The following ADGRD1 variants were observed in gnomAD, a reference collection of about 807,000 sequenced individuals.
ADGRD1 encodes G-protein coupled receptor 133.
Under a neutral mutation model 113.4 loss-of-function variants are expected in ADGRD1, and 77 were observed. The observed-to-expected ratio is 0.68, with a 90% CI of 0.57 to 0.82. ADGRD1 has a LOEUF of 0.82. Among genes scored for constraint, ADGRD1 ranks in the 40% least tolerant of loss-of-function variants. The pLI, the probability that ADGRD1 is intolerant of heterozygous loss-of-function variation, is 0.00. For synonymous variants in ADGRD1, 474 were observed against 475.0 expected, an observed-to-expected ratio of 1.00 and a Z score of 0.03; for missense variants, 1,036 against 1,139.1, an observed-to-expected ratio of 0.91 and a Z score of 1.30.
At chr12:131,091,901 G>C (rs977399246) in intron 15 of ADGRD1, 1 of 152,258 alleles carries the variant, frequency 6.6e-6, no homozygotes, top group African/African-American at 2.4e-5. Context: ...TGTTCACTGC[G>C]CCTTCCTGAT....
chr12:131,002,603 C>T, intron 9 of ADGRD1: 1 of 1,060,844 alleles, frequency 9.4e-7, no homozygotes, highest in Non-Finnish European at 1.1e-6. Flanking sequence ...GATGAGGGCC[C>T]CCTGCTTTCT....
At position 131,032,748 on chromosome 12, in the gene ADGRD1, G is replaced by A. The variant is rs12811252; in HGVS notation, c.1473+18408G>A. Among the ~76,000 whole-genome samples the A allele has an allele frequency of 4.1e-5, 5 of 123,400 alleles. 1 individual carries two copies. The highest frequency in any genetic ancestry group is 5.3e-4 in the South Asian group (2 of 3,764). 81.0% of individuals were successfully genotyped at this position (123,400 alleles called of 152,430 possible). A position where few individuals can be genotyped will look rare whatever the true frequency, so the allele number is the denominator to read the frequency against. ...CGTTTATTAGAGAAATCGCCACCCC[G>A]TCACAGAGGTGACGCTTATTAGAGA... On this transcript the variant is annotated intron_variant, in intron 13 of 24. Transcript: ENST00000261654.
chr12:131,032,982 G>A (rs1880959112), intron 13 of ADGRD1, among the ~76,000 whole-genome samples: 1 of 149,682 alleles, frequency 6.7e-6, no homozygotes, highest in Non-Finnish European at 1.5e-5. Context: ...CCCCGTCACA[G>A]AGGTGACGCT....
chr12:131,102,537 G>A (rs760445960), intron 15 of ADGRD1, among the ~76,000 whole-genome samples: 9 of 152,312 alleles, frequency 5.9e-5, no homozygotes, highest in African/African-American at 2.2e-4. Flanking sequence ...CGCCCACAGC[G>A]TCCCAGGTGC....
chr12:131,107,495 G>T (rs966185211), intron 17 of ADGRD1, among the ~76,000 whole-genome samples: 3 of 151,246 alleles, frequency 2.0e-5, no homozygotes, highest in Non-Finnish European at 4.4e-5. Flanking sequence ...CCAGAGACCC[G>T]TGTCTGAATC....
chr12:131,100,487 A>G lies in ADGRD1; in HGVS notation c.1672-4344A>G, dbSNP rs184051503. 1.8e-4 allele frequency among the ~76,000 whole-genome samples: 27 copies of G among 151,822 alleles called. No individual in the cohort carries two copies. The East Asian group carries it at 4.5e-3, about 25-fold the overall frequency. On this transcript the variant is annotated intron_variant, in intron 15 of 24. Coordinates refer to ENST00000261654, the MANE Select transcript of ADGRD1 (RefSeq NM_198827.5). ...GGTTGGTTGATGGTGGAGTTGGTTT[A>G]TAGTCAGATTAGCTGATGATGCATT...
intron 13 of ADGRD1, among the ~76,000 whole-genome samples, chr12:131,039,253 G>A (rs1332707706): frequency 1.3e-5 from 2 of 149,050 alleles, no homozygotes; most frequent in Non-Finnish European, 3.0e-5. Flanking sequence ...CCGCTGAGCC[G>A]GGACGGTGCG....
rs563782957 is a variant in ADGRD1 at position 131,122,229 on chromosome 12, G to A, written c.2175+1316G>A. On this transcript the variant is annotated intron_variant, in intron 20 of 24. Coordinates refer to ENST00000261654, the MANE Select transcript of ADGRD1 (RefSeq NM_198827.5). ...TTGCGCGGGGCGCCACGAGCCGAGG[G>A]CAGGGATCTTTGTGCAAGCAGAGGT... Among the ~76,000 whole-genome samples the A allele has an allele frequency of 2.2e-3, 336 of 152,284 alleles. 1 individual carries two copies. The highest frequency in any genetic ancestry group is 7.8e-3 in the African/African-American group (325 of 41,574).
chr12:130,985,847 C>T (rs1014138076), intron 5 of ADGRD1, among the ~76,000 whole-genome samples: 11 of 152,160 alleles, frequency 7.2e-5, no homozygotes, highest in African/African-American at 1.2e-4. Flanking sequence ...CCACTGCGTC[C>T]GGCCAAGATT....
intron 6 of ADGRD1, 81 bp from the exon 7 acceptor site, chr12:130,990,933 C>A: frequency 9.4e-7 from 1 of 1,069,066 alleles, no homozygotes; most frequent in Non-Finnish European, 1.4e-6. Context: ...GAAGCCAGTA[C>A]ATTTTTAACA....
chr12:131,097,992 G>A (rs1400332633), intron 15 of ADGRD1, among the ~76,000 whole-genome samples: 2 of 152,182 alleles, frequency 1.3e-5, no homozygotes, highest in Admixed American at 6.5e-5. Context: ...TGGCATGGGC[G>A]TCCCCCTGTG....
intron 13 of ADGRD1, among the ~76,000 whole-genome samples, chr12:131,049,927 G>A (rs1883211058): frequency 6.6e-6 from 1 of 152,192 alleles, no homozygotes. Flanking sequence ...GATGGGAACC[G>A]AGCATCTAAA....
intron 15 of ADGRD1, among the ~76,000 whole-genome samples, chr12:131,088,503 A>C (rs1886660960): frequency 6.6e-6 from 1 of 152,214 alleles, no homozygotes; most frequent in African/African-American, 2.4e-5. Context: ...GTGGCGGTGG[A>C]TTTTACATCT....
chr12:131,090,835 G>A (rs1886859138), intron 15 of ADGRD1, among the ~76,000 whole-genome samples: 1 of 152,202 alleles, frequency 6.6e-6, no homozygotes, highest in Admixed American at 6.5e-5. Flanking sequence ...TGGGCAAAGG[G>A]CACAGGCATT....
chr12:130,991,697 C>T (rs1353027161), intron 7 of ADGRD1, among the ~76,000 whole-genome samples: 2 of 152,174 alleles, frequency 1.3e-5, no homozygotes, highest in African/African-American at 4.8e-5. Context: ...ATATTACTAT[C>T]ATGGTATAAA....
intron 13 of ADGRD1, among the ~76,000 whole-genome samples, chr12:131,067,278 C>G (rs1434605016): frequency 1.3e-5 from 2 of 152,194 alleles, no homozygotes; most frequent in Non-Finnish European, 2.9e-5. Context: ...AGAGCTGGAG[C>G]TAGAATGGAG....
At chr12:131,037,832 GCCTCACTCACT>G (rs1373823492) in intron 13 of ADGRD1, among the ~76,000 whole-genome samples, 1 of 143,096 alleles carries the variant, frequency 7.0e-6, no homozygotes, top group African/African-American at 2.6e-5. Context: ...ACTGCATGGG[GCCTCACTCACT>G]GCACCGGGTC....
chr12:131,056,715 GT>G (rs1015252069), intron 13 of ADGRD1, among the ~76,000 whole-genome samples: 1 of 152,236 alleles, frequency 6.6e-6, no homozygotes, highest in Non-Finnish European at 1.5e-5. Context: ...CACCTTTGAT[GT>G]GGGTGGACCA....
chr12:130,986,629 C>G (rs1593298800), intron 5 of ADGRD1, among the ~76,000 whole-genome samples: 1 of 142,364 alleles, frequency 7.0e-6, no homozygotes, highest in Non-Finnish European at 1.5e-5. Flanking sequence ...TATTTATATT[C>G]TTATTTCCTT....
Sources: gnomAD v4.1 joint callset for allele counts (sites outside exome capture counted in the v4.1 genomes callset) on GRCh38, gnomAD v4.1.1 for gene constraint, MANE v1.5 for transcripts, NCBI Gene and HGNC (gene_info 2026-07-23, HGNC 2026-07-21) for gene names.